Variants in AGAP1 observed in about 807,000 individuals in gnomAD.
The protein encoded by AGAP1 is ArfGAP with GTPase domain, ankyrin repeat and PH domain 1.
A neutral mutation model predicts 105.3 loss-of-function variants in AGAP1; 29 were observed. That is an observed-to-expected ratio of 0.28 (90% CI 0.21 to 0.38). The LOEUF (loss-of-function observed/expected upper bound fraction) is 0.38, where lower values mean the gene tolerates loss of function less well. Ranked by LOEUF, AGAP1 falls within the 10% of genes least tolerant of loss-of-function variation. AGAP1 has a pLI of 1.00. For synonymous variants in AGAP1, 509 were observed against 485.9 expected, an observed-to-expected ratio of 1.05 and a Z score of -0.63; for missense variants, 998 against 1,165.1, an observed-to-expected ratio of 0.86 and a Z score of 2.09.
Position 235,831,149 on chromosome 2 carries a change from A to G in AGAP1, c.1050+23818A>G, listed in dbSNP as rs1959317775. On this transcript the variant is annotated intron_variant, in intron 9 of 17. Coordinates refer to ENST00000304032, the MANE Select transcript of AGAP1 (RefSeq NM_001037131.3). ...TTAGGGAATCACATTCGAGACTTTA[A>G]CTAGATTGGTCCAGAGTGCTTCACT... Among the ~76,000 whole-genome samples the G allele has an allele frequency of 2.6e-5, 4 of 151,570 alleles. No individual in the cohort carries two copies. The South Asian group carries it at 8.3e-4, about 32-fold the overall frequency.
intron 1 of AGAP1, among the ~76,000 whole-genome samples, chr2:235,547,164 T>C (rs1254917756): frequency 2.0e-5 from 3 of 152,166 alleles, no homozygotes; most frequent in Non-Finnish European, 4.4e-5. Flanking sequence ...GGGCAGTGGC[T>C]TTGGGACACC....
intron 1 of AGAP1, among the ~76,000 whole-genome samples, chr2:235,629,095 C>T (rs1445880058): frequency 1.3e-5 from 2 of 152,128 alleles, no homozygotes; most frequent in Non-Finnish European, 2.9e-5. Flanking sequence ...TAGGTGTGAG[C>T]CATTGTATCA....
rs1374862834 is a variant in AGAP1 at position 236,073,090 on chromosome 2, G to T, written c.2114+23809G>T. The stretch of plus-strand genomic sequence containing the variant: ...AGCTCACTGCAACTTCCGCCTCCCA[G>T]ATTCGAGCGATTCTCCTGCCTTGGT... On this transcript the variant is annotated intron_variant, in intron 16 of 17. Transcript: ENST00000304032. This position sits in a 1 kb window ranked among gnomAD's most constrained non-coding sequence, Gnocchi z 5.4. Among the ~76,000 whole-genome samples, 13 of 151,950 alleles carry T rather than the reference G, an allele frequency of 8.6e-5. No individual in the cohort carries two copies. The highest frequency in any genetic ancestry group is 1.3e-4 in the Non-Finnish European group (9 of 67,946).
chr2:235,644,918 A>C (rs894768761), intron 1 of AGAP1, among the ~76,000 whole-genome samples: 1 of 151,658 alleles, frequency 6.6e-6, no homozygotes, highest in Non-Finnish European at 1.5e-5. Flanking sequence ...TTTGGAGACA[A>C]GAGTTTTACT....
chr2:235,902,775 A>C (rs564097191), intron 10 of AGAP1, among the ~76,000 whole-genome samples: 10 of 152,210 alleles, frequency 6.6e-5, no homozygotes, highest in African/African-American at 2.2e-4. Flanking sequence ...CTGCAAGACA[A>C]CCATCACCCT....
In AGAP1 at chr2:235,729,850, T is replaced by G. The variant is rs1951846736; in HGVS notation, c.311-11113T>G. Among the ~76,000 whole-genome samples, 1 of 151,994 alleles carries G rather than the reference T, an allele frequency of 6.6e-6. No individual in the cohort carries two copies. Among genetic ancestry groups the G allele is most frequent in the Non-Finnish European group, 1.5e-5 (1 of 68,008 alleles). On this transcript the variant is annotated intron_variant, in intron 3 of 17. Coordinates refer to ENST00000304032, the MANE Select transcript of AGAP1 (RefSeq NM_001037131.3). This position sits in a 1 kb window ranked among gnomAD's most constrained non-coding sequence, Gnocchi z 5.0. The stretch of plus-strand genomic sequence containing the variant: ...GTTGCTACTGCCTGAGAACAGAGGT[T>G]TTTAGTTTCTTTAAAGGGTTGTAAA...
At chr2:236,064,957 C>G (rs910856431) in intron 16 of AGAP1, among the ~76,000 whole-genome samples, 4 of 152,148 alleles carry the variant, frequency 2.6e-5, no homozygotes, top group African/African-American at 4.8e-5. Context: ...GTTACTTTTT[C>G]ATTGTTTTCT....
rs760437649 is a variant in AGAP1, at chr2:236,046,102, G to A, written c.1892-2957G>A. 1.2e-4 allele frequency: 56 copies of A among 453,002 alleles called. No homozygotes were observed. The highest frequency in any genetic ancestry group is 3.6e-4 in the Middle Eastern group (1 of 2,770). 28.1% of individuals were successfully genotyped at this position (453,002 alleles called of 1,614,324 possible). ...GGCTTCTGTATCTGCAACCCACAGCGGCATGGAGGGCGGTGGGGTGGGCAT... is the reference window on the plus strand; with the variant it reads ...GGCTTCTGTATCTGCAACCCACAGCAGCATGGAGGGCGGTGGGGTGGGCAT... On this transcript the variant is annotated intron_variant, in intron 15 of 17. Transcript: ENST00000304032. This position sits in a 1 kb window ranked among gnomAD's most constrained non-coding sequence, Gnocchi z 5.2.
chr2:235,558,930 AT>A (rs904282400), intron 1 of AGAP1, among the ~76,000 whole-genome samples: 57 of 148,254 alleles, frequency 3.8e-4, no homozygotes, highest in Non-Finnish European at 5.8e-4. Flanking sequence ...GTCATTGAAG[AT>A]TTTTTTTTTT....
At chr2:235,745,163 T>A (rs1215351352) in intron 5 of AGAP1, among the ~76,000 whole-genome samples, 2 of 152,192 alleles carry the variant, frequency 1.3e-5, no homozygotes, top group Admixed American at 1.3e-4. Flanking sequence ...CAAATACATA[T>A]ATATATTTTC....
rs115180791 is a variant in AGAP1, at chr2:236,046,414, C to T, written c.1892-2645C>T. 6.6e-6 allele frequency among the ~76,000 whole-genome samples: 1 copy of T among 152,044 alleles called. No homozygotes were observed. Among genetic ancestry groups the T allele is most frequent in the Non-Finnish European group, 1.5e-5 (1 of 68,008 alleles). Reference sequence around the variant, plus strand: ...ACCCCAGTTGCGATGCTGGTGAGGACGCCCATGGGAGCATAAGTTCGAGAA... The same window carrying T: ...ACCCCAGTTGCGATGCTGGTGAGGATGCCCATGGGAGCATAAGTTCGAGAA... On this transcript the variant is annotated intron_variant, in intron 15 of 17. Transcript: ENST00000304032. The surrounding 1 kb of genome is among the most constrained non-coding windows in gnomAD (Gnocchi z 5.2).
rs1575808893 is a variant in AGAP1 at position 235,930,490 on chromosome 2, G to C, written c.1325-275G>C. Among the ~76,000 whole-genome samples the C allele has an allele frequency of 6.6e-6, 1 of 152,188 alleles. No individual in the cohort carries two copies. Among genetic ancestry groups the C allele is most frequent in the Non-Finnish European group, 1.5e-5 (1 of 68,048 alleles). ...CCACTCGATGTTGCGGTTGCGGTTG[G>C]GTTGCGTCTTTGTATAGGGTTGTTC... is the stretch of plus-strand genomic sequence containing the variant. On this transcript the variant is annotated intron_variant, in intron 11 of 17. Transcript: ENST00000304032. This position sits in a 1 kb window ranked among gnomAD's most constrained non-coding sequence, Gnocchi z 7.9.
chr2:236,026,136 G>A (rs1343714813), intron 13 of AGAP1, among the ~76,000 whole-genome samples: 1 of 152,168 alleles, frequency 6.6e-6, no homozygotes, highest in Non-Finnish European at 1.5e-5. Context: ...TGCACCTGTG[G>A]GCCATGTCCT....
At chr2:235,868,997 A>T (rs1304735579) in intron 9 of AGAP1, among the ~76,000 whole-genome samples, 1 of 152,196 alleles carries the variant, frequency 6.6e-6, no homozygotes. Context: ...CATTAAAATC[A>T]GTCTTTCTGA....
intron 1 of AGAP1, among the ~76,000 whole-genome samples, chr2:235,652,898 G>A (rs1344091152): frequency 6.6e-6 from 1 of 152,128 alleles, no homozygotes; most frequent in Non-Finnish European, 1.5e-5. Context: ...GAATGGGGCA[G>A]GGTGTAGAGG....
At chr2:235,675,814 G>T (rs1056568653) in intron 1 of AGAP1, among the ~76,000 whole-genome samples, 2 of 152,164 alleles carry the variant, frequency 1.3e-5, no homozygotes, top group Non-Finnish European at 2.9e-5. Context: ...TGGAGCCCAA[G>T]TTTCAGCATA....
intron 1 of AGAP1, among the ~76,000 whole-genome samples, chr2:235,680,886 A>C (rs965785890): frequency 1.3e-5 from 2 of 152,116 alleles, no homozygotes; most frequent in African/African-American, 2.4e-5. Flanking sequence ...CTGAGCTGAC[A>C]CTGGGACTGT....
At chr2:235,825,665 C>G (rs1487686276) in intron 9 of AGAP1, among the ~76,000 whole-genome samples, 2 of 152,180 alleles carry the variant, frequency 1.3e-5, no homozygotes, top group Non-Finnish European at 2.9e-5. Flanking sequence ...ACTAAATATA[C>G]ATTGAACACA....
At position 235,659,507 on chromosome 2, in the gene AGAP1, A is replaced by G. The variant is rs1009733354; in HGVS notation, c.164-49672A>G. 6.6e-6 allele frequency among the ~76,000 whole-genome samples: 1 copy of G among 152,160 alleles called. No homozygotes were observed. The highest frequency in any genetic ancestry group is 1.5e-5 in the Non-Finnish European group (1 of 68,038). ...GAAATCCTTTGGCAGTCAGGGTGCT[A>G]TATGAACACATGTTTTGTGGGTCAC... On this transcript the variant is annotated intron_variant, in intron 1 of 17. Transcript: ENST00000304032. This position sits in a 1 kb window ranked among gnomAD's most constrained non-coding sequence, Gnocchi z 5.0.
Sources: allele counts gnomAD v4.1 joint callset (sites outside exome capture counted in the v4.1 genomes callset), GRCh38; gene constraint gnomAD v4.1.1; non-coding constraint Gnocchi (gnomAD v3.1); transcripts MANE v1.5; gene names NCBI Gene and HGNC (gene_info 2026-07-23, HGNC 2026-07-21).